The following MROH2B variants were observed in gnomAD, a reference collection of about 807,000 sequenced individuals.
The protein encoded by MROH2B is maestro heat-like repeat-containing protein family member 2B.
Under a neutral mutation model 208.6 loss-of-function variants are expected in MROH2B, and 177 were observed. The observed-to-expected ratio is 0.85, with a 90% CI of 0.75 to 0.96. MROH2B has a LOEUF of 0.96. Among genes scored for constraint, MROH2B ranks in the 40% least tolerant of loss-of-function variants. The probability of loss-of-function intolerance (pLI) is 0.00; values close to 1 mark genes in which losing one functional copy is unlikely to be tolerated. For missense variants in MROH2B, 2,002 were observed against 1,878.7 expected, an observed-to-expected ratio of 1.07 and a Z score of -1.21; for synonymous variants, 728 against 659.0, an observed-to-expected ratio of 1.10 and a Z score of -1.60.
Position 41,047,701 on chromosome 5 carries a change from A to T in MROH2B, c.1728+20T>A. ...TTTCATCATGCCATTATTAAAAATTATTCTAGAAGCCAGCCTTACCTGAAG... is the reference window on the plus strand; with the variant it reads ...TTTCATCATGCCATTATTAAAAATTTTTCTAGAAGCCAGCCTTACCTGAAG... On this transcript the variant is annotated intron_variant, in intron 17 of 41. Coordinates refer to ENST00000399564, the MANE Select transcript of MROH2B (RefSeq NM_173489.5). 1 of 1,584,088 alleles carries T rather than the reference A, an allele frequency of 6.3e-7. No homozygotes were observed. The highest frequency in any genetic ancestry group is 8.6e-7 in the Non-Finnish European group (1 of 1,163,498).
rs183889188 is a variant in MROH2B at position 41,023,997 on chromosome 5, C to T, written c.2442-4979G>A. Among the ~76,000 whole-genome samples, 352 of 152,264 alleles carry T rather than the reference C, an allele frequency of 2.3e-3. 1 individual carries two copies. The Middle Eastern group carries it at 0.027, about 12-fold the overall frequency. On this transcript the variant is annotated intron_variant, in intron 24 of 41. Coordinates refer to ENST00000399564, the MANE Select transcript of MROH2B (RefSeq NM_173489.5). ...CAAGCAAATGCTGAGAGATTTTTGT[C>T]ACCACCAGGCCTGCCCTAAAAGAGC...
At chr5:41,012,470 T>G in intron 30 of MROH2B, 113 bp downstream of exon 30, 1 of 1,150,976 alleles carries the variant, frequency 8.7e-7, no homozygotes, top group Non-Finnish European at 1.2e-6. Context: ...CCTCTTGAGG[T>G]TGTGCAAGCC....
chr5:41,055,681 T>C, intron 10 of MROH2B, 61 bp downstream of exon 10: 3 of 1,249,826 alleles, frequency 2.4e-6, no homozygotes, highest in East Asian at 2.3e-5. Context: ...AGAGAGTGCA[T>C]AGGCTTCAGT....
intron 24 of MROH2B, among the ~76,000 whole-genome samples, chr5:41,026,468 C>A (rs2150162683): frequency 6.6e-6 from 1 of 152,242 alleles, no homozygotes; most frequent in East Asian, 1.9e-4. Context: ...ACCTAGGAAT[C>A]CAACTTACTA....
chr5:41,069,552 C>T (rs1743917932), intron 2 of MROH2B, 139 bp downstream of exon 2: 1 of 657,856 alleles, frequency 1.5e-6, no homozygotes, highest in South Asian at 1.8e-5. Context: ...ACTTTCATTA[C>T]AACTGCATTT....
At position 41,070,951 on chromosome 5, in the gene MROH2B, G is replaced by C. The variant is rs1466260622; in HGVS notation, c.-99C>G. 4.1e-6 allele frequency: 5 copies of C among 1,217,046 alleles called. No homozygotes were observed. The African/African-American group carries it at 7.5e-5, about 18-fold the overall frequency. The allele number at this position is 1,217,046 out of a possible 1,614,324, so 75.4% of individuals were successfully genotyped here. On this transcript the variant is annotated 5_prime_UTR_variant, in exon 1 of 42. Coordinates refer to ENST00000399564, the MANE Select transcript of MROH2B (RefSeq NM_173489.5). Reference sequence around the variant, plus strand: ...GCAGGTTGGCAAGTTTCTCATATAAGGTTCACATAAGCCTCTCTAAATGAA... The same window carrying C: ...GCAGGTTGGCAAGTTTCTCATATAACGTTCACATAAGCCTCTCTAAATGAA...
intron 2 of MROH2B, among the ~76,000 whole-genome samples, chr5:41,068,764 G>C (rs1442158533): frequency 6.6e-6 from 1 of 152,158 alleles, no homozygotes; most frequent in Non-Finnish European, 1.5e-5. Context: ...CTTTCGGAAA[G>C]GTGACTTCTA....
chr5:41,027,698 A>G (rs1012705058), intron 24 of MROH2B, among the ~76,000 whole-genome samples: 3 of 152,230 alleles, frequency 2.0e-5, no homozygotes, highest in African/African-American at 7.2e-5. Context: ...GTATATACCC[A>G]AAGAATTATA....
intron 33 of MROH2B, among the ~76,000 whole-genome samples, chr5:41,007,906 C>T (rs1179517671): frequency 1.3e-5 from 2 of 152,274 alleles, no homozygotes; most frequent in Non-Finnish European, 2.9e-5. Context: ...AGTAAAGTTA[C>T]ACGTATTATT....
At chr5:41,036,440 A>G (rs1198049950) in intron 21 of MROH2B, among the ~76,000 whole-genome samples, 2 of 152,182 alleles carry the variant, frequency 1.3e-5, no homozygotes, top group Non-Finnish European at 2.9e-5. Flanking sequence ...TAAGTCCATT[A>G]AACATTGTTT....
intron 37 of MROH2B, among the ~76,000 whole-genome samples, chr5:41,002,575 T>A (rs1201970812): frequency 6.6e-6 from 1 of 152,134 alleles, no homozygotes; most frequent in Non-Finnish European, 1.5e-5. Flanking sequence ...GATCATAGAG[T>A]TAAATATACT....
rs1003722045 is a variant in MROH2B at position 41,049,087 on chromosome 5, A to C, written c.1542+14T>G. The C allele has an allele frequency of 2.5e-6, 4 of 1,588,110 alleles. No individual in the cohort carries two copies. In the African/African-American group the frequency reaches 5.4e-5, roughly 21 times the overall value. On this transcript the variant is annotated intron_variant, in intron 15 of 41. Coordinates refer to ENST00000399564, the MANE Select transcript of MROH2B (RefSeq NM_173489.5). ...TTAAATTTGTTCTACTTTGGTTCTT[A>C]GTAACTCACTCACCAGAAGTCTGGC... is the stretch of plus-strand genomic sequence containing the variant.
At chr5:41,048,210 G>A in intron 16 of MROH2B, 114 bp downstream of exon 16, 2 of 1,297,304 alleles carry the variant, frequency 1.5e-6, no homozygotes, top group Non-Finnish European at 2.1e-6. Flanking sequence ...TGCATATCAA[G>A]TTCATCATTT....
chr5:41,064,617 A>G (rs748334622), intron 4 of MROH2B, 47 bp from the exon 5 acceptor site: 5 of 1,495,840 alleles, frequency 3.3e-6, no homozygotes, highest in Middle Eastern at 1.7e-4. Context: ...ATCTTCTCAA[A>G]TTTGGGGTTC....
At chr5:41,012,020 C>T (rs1394545069) in intron 30 of MROH2B, among the ~76,000 whole-genome samples, 1 of 152,154 alleles carries the variant, frequency 6.6e-6, no homozygotes, top group Non-Finnish European at 1.5e-5. Context: ...TTTTTGACTT[C>T]AGAAGAGAAA....
intron 3 of MROH2B, 147 bp downstream of exon 3, chr5:41,066,961 A>G: frequency 1.6e-6 from 1 of 633,486 alleles, no homozygotes; most frequent in South Asian, 1.7e-5. Context: ...AGTAAATATC[A>G]GGCATTATAA....
At chr5:41,034,075 A>G in intron 21 of MROH2B, 1 of 984,954 alleles carries the variant, frequency 1.0e-6, no homozygotes, top group Non-Finnish European at 1.2e-6. Context: ...TCTTTCCCCC[A>G]GGTAAGTCAT....
intron 29 of MROH2B, 49 bp from the exon 30 acceptor site, chr5:41,012,784 A>G (rs1741816034): frequency 1.2e-6 from 2 of 1,603,824 alleles, no homozygotes; most frequent in East Asian, 4.5e-5. Flanking sequence ...CCCATTTTAT[A>G]TCTAGATACT....
Position 41,018,356 on chromosome 5 carries a change from C to T in MROH2B, c.2748G>A (p.Leu916=). 6.2e-7 allele frequency: 1 copy of T among 1,612,830 alleles called. No individual in the cohort carries two copies. The highest frequency in any genetic ancestry group is 8.5e-7 in the Non-Finnish European group (1 of 1,179,506). The change falls in exon 27 of 42, where the codon CTG becomes CTA. Residue 916 remains leucine (L), a synonymous_variant. Transcript: ENST00000399564. ...ERAFQITAKV[L]TNDIEAPENF... The stretch of plus-strand genomic sequence containing the variant: ...GATTACTTACCTCAATATCATTTGT[C>T]AGCACTTTCGCAGTGATCTGGAAGG...
Sources: gnomAD v4.1 joint callset for allele counts (sites outside exome capture counted in the v4.1 genomes callset) on GRCh38, gnomAD v4.1.1 for gene constraint, MANE v1.5 for transcripts, NCBI Gene and HGNC (gene_info 2026-07-23, HGNC 2026-07-21) for gene names.